Variants in KCNMA1 observed in about 807,000 individuals in gnomAD.
The protein encoded by KCNMA1 is Calcium-activated potassium channel subunit alpha-1.
Under a neutral mutation model 140.0 loss-of-function variants are expected in KCNMA1, and 29 were observed. The observed-to-expected ratio is 0.21, with a 90% CI of 0.15 to 0.28. KCNMA1 has a LOEUF of 0.28. KCNMA1 is among the 10% of genes least tolerant of loss of function. The pLI is 1.00. For missense variants in KCNMA1, 880 were observed against 1,602.2 expected (o/e 0.55, Z 7.70); for synonymous variants, 612 against 611.9 (o/e 1.00, Z 0.00).
chr10:77,559,536 C>T (rs2065655487), intron 1 of KCNMA1, among the ~76,000 whole-genome samples: 1 of 152,242 alleles, frequency 6.6e-6, no homozygotes, highest in Non-Finnish European at 1.5e-5. Context: ...GTTGAGGCCA[C>T]ACCACCAGCT....
At chr10:77,174,026 T>C (rs993984255) in intron 5 of KCNMA1, among the ~76,000 whole-genome samples, 1 of 152,182 alleles carries the variant, frequency 6.6e-6, no homozygotes, top group Non-Finnish European at 1.5e-5. Flanking sequence ...TGCTACTTAA[T>C]TGCTCACAAA....
intron 2 of KCNMA1, among the ~76,000 whole-genome samples, chr10:77,384,251 G>C (rs1236465333): frequency 6.6e-6 from 1 of 152,184 alleles, no homozygotes; most frequent in African/African-American, 2.4e-5. Flanking sequence ...GGCAGAGGTA[G>C]GGACAACACC....
chr10:77,515,365 C>T (rs2050031451), intron 1 of KCNMA1, among the ~76,000 whole-genome samples: 1 of 151,670 alleles, frequency 6.6e-6, no homozygotes, highest in Non-Finnish European at 1.5e-5. Flanking sequence ...TAAATATAGG[C>T]AATTGATGAA....
chr10:77,215,028 A>G (rs2047259072), intron 3 of KCNMA1, among the ~76,000 whole-genome samples: 1 of 152,096 alleles, frequency 6.6e-6, no homozygotes, highest in South Asian at 2.1e-4. Flanking sequence ...CTGCTGTTTG[A>G]CATCTTCTCT....
chr10:77,036,972 C>T (rs189540509), intron 15 of KCNMA1, among the ~76,000 whole-genome samples: 9 of 152,236 alleles, frequency 5.9e-5, no homozygotes, highest in Admixed American at 4.6e-4. Flanking sequence ...TTGTATTAAA[C>T]GAATAATAGC....
chr10:76,998,693 C>T (rs1009784087), intron 19 of KCNMA1, among the ~76,000 whole-genome samples: 1 of 152,198 alleles, frequency 6.6e-6, no homozygotes, highest in East Asian at 1.9e-4. Context: ...AAAGCCCACT[C>T]TCACCACTGC....
At chr10:77,526,821 CCT>C (rs148574395) in intron 1 of KCNMA1, among the ~76,000 whole-genome samples, 115 of 148,664 alleles carry the variant, frequency 7.7e-4, no homozygotes, top group Admixed American at 8.7e-4. Context: ...GTTTCCTTCT[CCT>C]CTCTCTCTCT....
intron 19 of KCNMA1, among the ~76,000 whole-genome samples, chr10:76,986,188 CA>C (rs1021602663): frequency 1.3e-5 from 2 of 152,230 alleles, no homozygotes; most frequent in East Asian, 3.9e-4. Context: ...ATTCTAATTC[CA>C]AAAAGTTATT....
intron 2 of KCNMA1, among the ~76,000 whole-genome samples, chr10:77,281,729 C>T (rs1163828682): frequency 6.6e-6 from 1 of 152,196 alleles, no homozygotes; most frequent in Admixed American, 6.5e-5. Context: ...CTACTGATAC[C>T]TGCTACAACA....
At chr10:77,410,428 C>G (rs961816306) in intron 1 of KCNMA1, among the ~76,000 whole-genome samples, 1 of 152,218 alleles carries the variant, frequency 6.6e-6, no homozygotes, top group Non-Finnish European at 1.5e-5. Flanking sequence ...CCCCTCCCTG[C>G]TGCCTGCCTA....
intron 2 of KCNMA1, among the ~76,000 whole-genome samples, chr10:77,292,120 G>C (rs1441393059): frequency 3.8e-4 from 58 of 152,196 alleles, no homozygotes; most frequent in African/African-American, 1.3e-3. Flanking sequence ...ATGAAAGAGG[G>C]TTATTTCCAG....
intron 5 of KCNMA1, among the ~76,000 whole-genome samples, chr10:77,147,156 G>T (rs2098319085): frequency 6.6e-6 from 1 of 152,198 alleles, no homozygotes. Context: ...TTGAAACAGG[G>T]AACATAAACA....
At chr10:77,446,882 T>G (rs1366907288) in intron 1 of KCNMA1, among the ~76,000 whole-genome samples, 3 of 152,208 alleles carry the variant, frequency 2.0e-5, no homozygotes, top group Non-Finnish European at 4.4e-5. Flanking sequence ...CCTCCATACC[T>G]TTGTTCACAC....
In KCNMA1 at chr10:76,950,707, T is replaced by G. The variant is rs527295137; in HGVS notation, c.2485-1341A>C. On this transcript the variant is annotated intron_variant, in intron 21 of 27. Coordinates refer to ENST00000286628, the MANE Select transcript of KCNMA1 (RefSeq NM_001161352.2). ...GCATTGATTGTATAAATGCCAATGT[T>G]GCAATTCACAACAATGTCAGGGTTA... 2.6e-5 allele frequency among the ~76,000 whole-genome samples: 4 copies of G among 152,346 alleles called. No individual in the cohort carries two copies. The East Asian group carries it at 7.7e-4, about 29-fold the overall frequency.
At chr10:77,310,195 T>TA (rs1565893093) in intron 2 of KCNMA1, among the ~76,000 whole-genome samples, 1 of 152,088 alleles carries the variant, frequency 6.6e-6, no homozygotes, top group Non-Finnish European at 1.5e-5. Flanking sequence ...CTAGTACAAC[T>TA]AAACCAGTCT....
intron 1 of KCNMA1, among the ~76,000 whole-genome samples, chr10:77,532,537 C>A (rs2154553156): frequency 6.6e-6 from 1 of 152,302 alleles, no homozygotes; most frequent in East Asian, 1.9e-4. Context: ...CTGGAGAATA[C>A]CTCCCTCCAA....
In KCNMA1 at chr10:77,108,220, G is replaced by C; in HGVS notation, c.1223+261C>G. 7.9e-7 allele frequency: 1 copy of C among 1,263,416 alleles called. No homozygotes were observed. The highest frequency in any genetic ancestry group is 2.8e-5 in the Admixed American group (1 of 35,120). The allele number at this position is 1,263,416 out of a possible 1,614,324, so 78.3% of individuals were successfully genotyped here. On this transcript the variant is annotated intron_variant, in intron 9 of 27. Transcript: ENST00000286628. The surrounding 1 kb of genome is among the most constrained non-coding windows in gnomAD (Gnocchi z 4.6). Reference sequence around the variant, plus strand: ...TGGGGTTGGGGAGGGGCAGAATTCAGATGGCACCTCCACAGGGACTCCTGA... The same window carrying C: ...TGGGGTTGGGGAGGGGCAGAATTCACATGGCACCTCCACAGGGACTCCTGA...
chr10:76,954,231 T>C (rs1030475944), intron 20 of KCNMA1, among the ~76,000 whole-genome samples: 2 of 151,762 alleles, frequency 1.3e-5, no homozygotes, highest in Non-Finnish European at 2.9e-5. Context: ...CTCACTCCTC[T>C]TCCTCTCATT....
intron 2 of KCNMA1, among the ~76,000 whole-genome samples, chr10:77,283,407 C>A (rs2069429496): frequency 2.0e-5 from 3 of 152,210 alleles, no homozygotes; most frequent in Admixed American, 2.0e-4. Flanking sequence ...CCTGCAGCTT[C>A]AGGAGAAACA....
Sources: gnomAD v4.1 joint callset for allele counts (sites outside exome capture counted in the v4.1 genomes callset) on GRCh38, gnomAD v4.1.1 for gene constraint, Gnocchi (gnomAD v3.1) non-coding constraint, MANE v1.5 for transcripts, NCBI Gene and HGNC (gene_info 2026-07-23, HGNC 2026-07-21) for gene names.